The following COPZ1 variants were observed in gnomAD, a reference collection of about 807,000 sequenced individuals.
COPZ1 encodes the protein coat protein complex I subunit zeta 1.
A neutral mutation model predicts 31.7 loss-of-function variants in COPZ1; 4 were observed. The ratio of observed to expected loss-of-function variants is 0.13; its 90% CI spans 0.06 to 0.29. COPZ1 has a LOEUF of 0.29. COPZ1 is among the 10% of genes least tolerant of loss of function. The pLI, the probability that COPZ1 is intolerant of heterozygous loss-of-function variation, is 1.00. For synonymous variants in COPZ1, 74 were observed against 79.0 expected (o/e 0.94, Z 0.33); for missense variants, 156 against 211.5 (o/e 0.74, Z 1.63).
chr12:54,345,352 G>T (rs1402684613), intron 4 of COPZ1, 108 bp from the exon 5 acceptor site: 2 of 739,262 alleles, frequency 2.7e-6, no homozygotes, highest in Non-Finnish European at 2.3e-6. Context: ...TTGGTCCTTT[G>T]TGAAAGCCTG....
At chr12:54,336,683 G>C (rs903477339) in intron 1 of COPZ1, among the ~76,000 whole-genome samples, 1 of 151,696 alleles carries the variant, frequency 6.6e-6, no homozygotes, top group Non-Finnish European at 1.5e-5. Context: ...TATGCGCTAG[G>C]GGAGAGAGTT....
chr12:54,345,550 A>G (rs747060325), intron 5 of COPZ1, 35 bp downstream of exon 5: 8 of 1,535,572 alleles, frequency 5.2e-6, no homozygotes, highest in African/African-American at 2.7e-5. Flanking sequence ...CCCTCAAGTT[A>G]TGATGGAAAG....
chr12:54,328,102 G>A (rs1953686704), intron 1 of COPZ1, among the ~76,000 whole-genome samples: 1 of 151,198 alleles, frequency 6.6e-6, no homozygotes, highest in South Asian at 2.1e-4. Flanking sequence ...GTGAAACCAT[G>A]TCTCTACTAA....
chr12:54,326,167 TCTCA>T (rs1420894020), intron 1 of COPZ1, among the ~76,000 whole-genome samples: 9 of 119,184 alleles, frequency 7.6e-5, no homozygotes, highest in African/African-American at 2.6e-4. Context: ...TGAGACGGAG[TCTCA>T]CTCTGTCGCC....
rs1020409437 is a variant in COPZ1 at position 54,330,318 on chromosome 12, C to T, written c.18+5137C>T. Among the ~76,000 whole-genome samples the T allele has an allele frequency of 8.5e-5, 13 of 152,272 alleles. No individual in the cohort carries two copies. The South Asian group carries it at 1.4e-3, about 17-fold the overall frequency. ...ATGATCAGAATAAACTGTGCTGTTA[C>T]TCTGGCCAGCTTGTTTTAATGGTTG... is the stretch of plus-strand genomic sequence containing the variant. On this transcript the variant is annotated intron_variant, in intron 1 of 8. Transcript: ENST00000262061.
rs115486096 is a variant in COPZ1 at position 54,339,415 on chromosome 12, C to A, written c.19-1132C>A. 2.5e-3 allele frequency among the ~76,000 whole-genome samples: 377 copies of A among 152,222 alleles called. 3 individuals are homozygous for A. Among genetic ancestry groups the A allele is most frequent in the African/African-American group, 8.9e-3 (369 of 41,534 alleles). ...CAGCCTGGAGTGCAGTGGCGCAGTCCTAGCTCAGCGTGGTCTTAAACTCCT... is the reference window on the plus strand; with the variant it reads ...CAGCCTGGAGTGCAGTGGCGCAGTCATAGCTCAGCGTGGTCTTAAACTCCT... On this transcript the variant is annotated intron_variant, in intron 1 of 8. Transcript: ENST00000262061.
chr12:54,340,879 T>G (rs1240419083), intron 2 of COPZ1, among the ~76,000 whole-genome samples: 3 of 152,042 alleles, frequency 2.0e-5, no homozygotes, highest in African/African-American at 7.2e-5. Context: ...TTTTGTATCT[T>G]TAGTAGAGAC....
At chr12:54,340,190 T>A (rs1163725805) in intron 1 of COPZ1, among the ~76,000 whole-genome samples, 2 of 152,178 alleles carry the variant, frequency 1.3e-5, no homozygotes, top group Non-Finnish European at 2.9e-5. Context: ...GGTCACATTC[T>A]ATAGCCACCT....
At chr12:54,331,382 T>C (rs1209231287) in intron 1 of COPZ1, among the ~76,000 whole-genome samples, 1 of 152,086 alleles carries the variant, frequency 6.6e-6, no homozygotes, top group African/African-American at 2.4e-5. Flanking sequence ...GGTTTCGCCA[T>C]GTTGGCCAAG....
At position 54,349,666 on chromosome 12, in the gene COPZ1, T is replaced by C. The variant is rs1565598364; in HGVS notation, c.486+8T>C. 1 of 1,606,230 alleles carries C rather than the reference T, an allele frequency of 6.2e-7. No individual in the cohort carries two copies. On this transcript the variant is annotated splice_region_variant and intron_variant, in intron 8 of 8. Transcript: ENST00000262061. ...GAGCAGACCGTGTCTCAGGTATGAC[T>C]CTCCCTTCTTCCTTTCCAGATGGAC...
Position 54,326,421 on chromosome 12 carries a change from TGAGCCACTGCGC to T in COPZ1, c.18+1241_18+1252del, listed in dbSNP as rs1953645870. On this transcript the variant is annotated intron_variant, in intron 1 of 8. Transcript: ENST00000262061. ...TCCCAAAGTGCTGGGATTACAGGCG[TGAGCCACTGCGC>T]CGGGCCAGGAATTCTTATTGTATGA... Among the ~76,000 whole-genome samples, 3 of 148,658 alleles carry T rather than the reference TGAGCCACTGCGC, an allele frequency of 2.0e-5. No homozygotes were observed. The South Asian group carries it at 6.5e-4, about 32-fold the overall frequency.
At chr12:54,342,384 C>G in intron 3 of COPZ1, 97 bp downstream of exon 3, 1 of 910,484 alleles carries the variant, frequency 1.1e-6, no homozygotes, top group African/African-American at 1.7e-5. Flanking sequence ...AATGACTCTG[C>G]CTTTTTCTTT....
intron 7 of COPZ1, among the ~76,000 whole-genome samples, chr12:54,348,504 C>G (rs1309504828): frequency 6.6e-6 from 1 of 151,982 alleles, no homozygotes; most frequent in Non-Finnish European, 1.5e-5. Flanking sequence ...TTTGGGAAGC[C>G]GAGGCTGGCG....
At chr12:54,341,235 G>C (rs1312294538) in intron 2 of COPZ1, among the ~76,000 whole-genome samples, 1 of 152,012 alleles carries the variant, frequency 6.6e-6, no homozygotes, top group Non-Finnish European at 1.5e-5. Flanking sequence ...ACCCTGCCTG[G>C]GTTTTTCCAG....
chr12:54,334,724 G>A (rs1240447092), intron 1 of COPZ1, among the ~76,000 whole-genome samples: 1 of 152,016 alleles, frequency 6.6e-6, no homozygotes, highest in Non-Finnish European at 1.5e-5. Flanking sequence ...GGTCGTAGTG[G>A]TGGGTGCCTG....
chr12:54,332,263 A>G (rs1324545812), intron 1 of COPZ1, among the ~76,000 whole-genome samples: 2 of 151,804 alleles, frequency 1.3e-5, no homozygotes, highest in Non-Finnish European at 2.9e-5. Flanking sequence ...CGGAGGTTGC[A>G]GTGAGCCACT....
At chr12:54,326,444 A>C (rs1953646446) in intron 1 of COPZ1, among the ~76,000 whole-genome samples, 1 of 147,192 alleles carries the variant, frequency 6.8e-6, no homozygotes, top group Non-Finnish European at 1.5e-5. Context: ...CGGGCCAGGA[A>C]TTCTTATTGT....
At chr12:54,337,105 AC>A in intron 1 of COPZ1, 1 of 500,614 alleles carries the variant, frequency 2.0e-6, no homozygotes, top group South Asian at 1.5e-5. Context: ...GTGGTGTTTC[AC>A]CTGTCTTGAG....
At chr12:54,326,958 A>ATTTT (rs1953660662) in intron 1 of COPZ1, among the ~76,000 whole-genome samples, 3 of 38,764 alleles carry the variant, frequency 7.7e-5, no homozygotes, top group African/African-American at 2.1e-4. Flanking sequence ...GTTAACAAGT[A>ATTTT]TTCTTTTTTT....
Sources: gnomAD v4.1 joint callset for allele counts (sites outside exome capture counted in the v4.1 genomes callset) on GRCh38, gnomAD v4.1.1 for gene constraint, MANE v1.5 for transcripts, NCBI Gene and HGNC (gene_info 2026-07-23, HGNC 2026-07-21) for gene names.